The following SLC14A2 variants were observed in gnomAD, a reference collection of about 807,000 sequenced individuals.
SLC14A2 encodes urea transporter 2.
In SLC14A2, 91 loss-of-function variants were observed where a neutral mutation model predicts 104.6. That is an observed-to-expected ratio of 0.87 (90% CI 0.73 to 1.04). SLC14A2 has a LOEUF of 1.04. Among genes scored for constraint, SLC14A2 ranks in the 50% least tolerant of loss-of-function variants. The probability of loss-of-function intolerance (pLI) is 0.00; values close to 1 mark genes in which losing one functional copy is unlikely to be tolerated. For synonymous variants in SLC14A2, 476 were observed against 466.4 expected, an observed-to-expected ratio of 1.02 and a Z score of -0.27; for missense variants, 1,189 against 1,156.0, an observed-to-expected ratio of 1.03 and a Z score of -0.41.
At chr18:45,391,366 A>C (rs1285481491) in intron 1 of SLC14A2, among the ~76,000 whole-genome samples, 1 of 152,224 alleles carries the variant, frequency 6.6e-6, no homozygotes, top group African/African-American at 2.4e-5. Context: ...TGCTATTGTG[A>C]ATAGTGCCGC....
intron 1 of SLC14A2, among the ~76,000 whole-genome samples, chr18:45,315,781 C>G (rs528384678): frequency 5.9e-5 from 9 of 152,298 alleles, no homozygotes; most frequent in African/African-American, 1.9e-4. Flanking sequence ...CAAGGTTCTC[C>G]TGAAGTTCAT....
intron 1 of SLC14A2, among the ~76,000 whole-genome samples, chr18:45,305,693 G>A (rs796567078): frequency 1.4e-4 from 22 of 152,208 alleles, no homozygotes; most frequent in Admixed American, 4.6e-4. Context: ...TGTGTGTAGC[G>A]AAGATGGTTT....
chr18:45,226,585 T>C (rs866524931), intron 1 of SLC14A2, among the ~76,000 whole-genome samples: 41 of 148,808 alleles, frequency 2.8e-4, no homozygotes, highest in African/African-American at 8.9e-4. Context: ...AACCAAACAC[T>C]GCATGTTCTC....
At chr18:45,204,891 C>T in the SLC14A2 span, among the ~76,000 whole-genome samples, 1 of 151,928 alleles carries the variant, frequency 6.6e-6, no homozygotes, top group Non-Finnish European at 1.5e-5. Context: ...CACACTCCAC[C>T]TATGCTAATG....
chr18:45,411,457 A>G (rs571591676), intron 1 of SLC14A2, among the ~76,000 whole-genome samples: 21 of 152,314 alleles, frequency 1.4e-4, no homozygotes, highest in Non-Finnish European at 2.5e-4. Flanking sequence ...CAGTGAAGGG[A>G]TATCGTTTTT....
At chr18:45,348,103 A>AG (rs2085467518) in intron 1 of SLC14A2, among the ~76,000 whole-genome samples, 1 of 152,208 alleles carries the variant, frequency 6.6e-6, no homozygotes, top group Non-Finnish European at 1.5e-5. Context: ...TGCACCATCC[A>AG]GAACACAGGG....
chr18:45,432,847 T>A (rs539070536), intron 1 of SLC14A2, among the ~76,000 whole-genome samples: 1 of 152,258 alleles, frequency 6.6e-6, no homozygotes, highest in Admixed American at 6.5e-5. Flanking sequence ...AGTCATTAAA[T>A]CTAACCTTAG....
the SLC14A2 span, among the ~76,000 whole-genome samples, chr18:45,175,952 A>G: frequency 6.6e-6 from 1 of 152,164 alleles, no homozygotes; most frequent in Non-Finnish European, 1.5e-5. Context: ...TTTAAACTAT[A>G]CCATACGACA....
In SLC14A2 at chr18:45,641,273, C is replaced by G. The variant is rs972118968; in HGVS notation, c.1056C>G (p.Leu352=). 5.0e-6 allele frequency: 8 copies of G among 1,614,210 alleles called. No individual in the cohort carries two copies. The highest frequency in any genetic ancestry group is 1.6e-4 in the Middle Eastern group (1 of 6,062). The change falls in exon 8 of 20, where the codon CTC becomes CTG. Residue 352 remains leucine, a synonymous_variant. Coordinates refer to ENST00000255226, the MANE Select transcript of SLC14A2 (RefSeq NM_007163.4). ...YTGLWSYNCV[L]SCIAIGGMFY... is the part of the protein sequence containing the mutation. ...GCCTCTGGAGCTACAACTGCGTCCTCTCCTGCATCGCCATCGGAGGCATGT... is the reference window on the plus strand; with the variant it reads ...GCCTCTGGAGCTACAACTGCGTCCTGTCCTGCATCGCCATCGGAGGCATGT...
chr18:45,628,920 T>TGCACAAGGCACAGTGAAGGGAACAGAGTC (rs2045303286), intron 4 of SLC14A2, among the ~76,000 whole-genome samples: 1 of 152,190 alleles, frequency 6.6e-6, no homozygotes, highest in Non-Finnish European at 1.5e-5. Flanking sequence ...TTACCACCAC[T>TGCACAAGGCACAGTGAAGGGAACAGAGTC]GCACAAGGCA....
rs184094381 is a variant in SLC14A2, at chr18:45,517,618, C to A, written c.-35+34296C>A. Among the ~76,000 whole-genome samples, 8 of 152,330 alleles carry A rather than the reference C, an allele frequency of 5.3e-5. No individual in the cohort carries two copies. In the East Asian group the frequency reaches 1.4e-3, roughly 26 times the overall value. ...ATTTGCTTCTTTTGACAGACTTTAT[C>A]ATGGCCAGGTCCAGTCTCACCCGGC... On this transcript the variant is annotated intron_variant, in intron 2 of 20. Transcript: ENST00000586448.
intron 1 of SLC14A2, among the ~76,000 whole-genome samples, chr18:45,242,171 C>T (rs911325144): frequency 2.0e-5 from 3 of 152,092 alleles, no homozygotes; most frequent in African/African-American, 2.4e-5. Context: ...GAGCAGATGA[C>T]GCTAAGCCCA....
intron 2 of SLC14A2, chr18:45,515,492 T>C (rs191689716): frequency 6.6e-6 from 1 of 152,270 alleles, no homozygotes; most frequent in Admixed American, 6.5e-5. Context: ...GGGGTTAAGT[T>C]CGGATTGGGG....
At chr18:45,643,620 C>A (rs2144562078) in intron 9 of SLC14A2, among the ~76,000 whole-genome samples, 1 of 152,274 alleles carries the variant, frequency 6.6e-6, no homozygotes, top group East Asian at 1.9e-4. Context: ...GCAGCTCCAA[C>A]CTCCCAGGAC....
chr18:45,224,285 C>T (rs540777644), intron 1 of SLC14A2, among the ~76,000 whole-genome samples: 1 of 152,332 alleles, frequency 6.6e-6, no homozygotes, highest in East Asian at 1.9e-4. Flanking sequence ...TCTTCTTCCC[C>T]TCTCTCTGCT....
chr18:45,547,089 C>T (rs564614205), intron 2 of SLC14A2, among the ~76,000 whole-genome samples: 1 of 152,094 alleles, frequency 6.6e-6, no homozygotes, highest in Non-Finnish European at 1.5e-5. Flanking sequence ...TCAGACGGTC[C>T]AGAGCTCCTT....
At chr18:45,240,933 C>T (rs528098996) in intron 1 of SLC14A2, among the ~76,000 whole-genome samples, 1 of 152,296 alleles carries the variant, frequency 6.6e-6, no homozygotes, top group East Asian at 1.9e-4. Context: ...GCTGGGATTA[C>T]AGTCGTGAGC....
chr18:45,428,111 C>T (rs1258428028), intron 1 of SLC14A2, among the ~76,000 whole-genome samples: 2 of 152,142 alleles, frequency 1.3e-5, no homozygotes, highest in Non-Finnish European at 2.9e-5. Context: ...AAAAGAGAGT[C>T]CCAGAGGGAG....
intron 4 of SLC14A2, among the ~76,000 whole-genome samples, chr18:45,627,378 G>A (rs987954384): frequency 6.6e-6 from 1 of 152,178 alleles, no homozygotes; most frequent in South Asian, 2.1e-4. Flanking sequence ...TGCCTCAGAG[G>A]GAGGTGCAGA....
Sources: allele counts gnomAD v4.1 joint callset (sites outside exome capture counted in the v4.1 genomes callset), GRCh38; gene constraint gnomAD v4.1.1; transcripts MANE v1.5; gene names NCBI Gene and HGNC (gene_info 2026-07-23, HGNC 2026-07-21).